The following AGPAT4 variants were observed in gnomAD, a reference collection of about 807,000 sequenced individuals.
AGPAT4 encodes 1-acylglycerol-3-phosphate O-acyltransferase 4.
AGPAT4 carries 15 observed loss-of-function variants against 48.0 expected under a neutral mutation model. The ratio of observed to expected loss-of-function variants is 0.31; its 90% CI spans 0.21 to 0.48. The LOEUF is 0.48. Among genes scored for constraint, AGPAT4 ranks in the 20% least tolerant of loss-of-function variants. The probability of loss-of-function intolerance (pLI) is 0.99; values close to 1 mark genes in which losing one functional copy is unlikely to be tolerated. For synonymous variants in AGPAT4, 178 were observed against 198.7 expected, an observed-to-expected ratio of 0.90 and a Z score of 0.88; for missense variants, 314 against 482.5, an observed-to-expected ratio of 0.65 and a Z score of 3.27.
chr6:161,153,894 T>C (rs1421204743), intron 4 of AGPAT4, among the ~76,000 whole-genome samples: 1 of 139,962 alleles, frequency 7.1e-6, no homozygotes, highest in African/African-American at 2.8e-5. Context: ...CACACAGCCC[T>C]GGGGTCACAC....
chr6:161,181,503 C>CGGGGGGGGGGGGGGGGGGGGGGGGGG (rs776492737), intron 2 of AGPAT4, among the ~76,000 whole-genome samples: 2 of 126,106 alleles, frequency 1.6e-5, no homozygotes, highest in Non-Finnish European at 3.5e-5. Context: ...GTGGGGGTAG[C>CGGGGGGGGGGGGGGGGGGGGGGGGGG]AGGGGGCGGG....
In AGPAT4 at chr6:161,171,245, T is replaced by C. The variant is rs77438587; in HGVS notation, c.179-4828A>G. On this transcript the variant is annotated intron_variant, in intron 2 of 8. Coordinates refer to ENST00000320285, the MANE Select transcript of AGPAT4 (RefSeq NM_020133.3). This position sits in a 1 kb window ranked among gnomAD's most constrained non-coding sequence, Gnocchi z 4.4. Reference sequence around the variant, plus strand: ...ATCTAAGAGAAGCAAAGATAAGGTATTTGCTGTTTGTCTTAGTCCATTTTA... The same window carrying C: ...ATCTAAGAGAAGCAAAGATAAGGTACTTGCTGTTTGTCTTAGTCCATTTTA... 1.3e-5 allele frequency among the ~76,000 whole-genome samples: 2 copies of C among 152,354 alleles called. No individual in the cohort carries two copies. Among genetic ancestry groups the C allele is most frequent in the East Asian group, 1.9e-4 (1 of 5,184 alleles).
Position 161,219,017 on chromosome 6 carries a change from G to A in AGPAT4, c.178+13019C>T, listed in dbSNP as rs1781730709. ...GGAGAACCAGAATAGGACCAGAGAA[G>A]GGAGTTCTCAAAATGTTTGACAATG... On this transcript the variant is annotated intron_variant, in intron 2 of 8. Coordinates refer to ENST00000320285, the MANE Select transcript of AGPAT4 (RefSeq NM_020133.3). The surrounding 1 kb of genome is among the most constrained non-coding windows in gnomAD (Gnocchi z 4.9). Among the ~76,000 whole-genome samples, 1 of 152,242 alleles carries A rather than the reference G, an allele frequency of 6.6e-6. No homozygotes were observed. Among genetic ancestry groups the A allele is most frequent in the South Asian group, 2.1e-4 (1 of 4,836 alleles).
At position 161,242,727 on chromosome 6, in the gene AGPAT4, A is replaced by C. The variant is rs1007310819; in HGVS notation, c.-89-10425T>G. On this transcript the variant is annotated intron_variant, in intron 1 of 8. Transcript: ENST00000320285. The surrounding 1 kb of genome is among the most constrained non-coding windows in gnomAD (Gnocchi z 5.0). ...GATAAATCCAAACAGAAATGAAAAA[A>C]ATTAATCTTCCAAACAGGGGAAACG... 6.6e-6 allele frequency among the ~76,000 whole-genome samples: 1 copy of C among 152,230 alleles called. No homozygotes were observed. The highest frequency in any genetic ancestry group is 1.5e-5 in the Non-Finnish European group (1 of 68,038).
rs1778875938 is a variant in AGPAT4, at chr6:161,130,785, A to C, written c.*5755T>G. On this transcript the variant is annotated 3_prime_UTR_variant, in exon 9 of 9. Transcript: ENST00000320285. Reference sequence around the variant, plus strand: ...CTGAGGCCATGCCATTGCTACCCGGAAGCTGGCTCTGCAGCGTTGTGACTT... The same window carrying C: ...CTGAGGCCATGCCATTGCTACCCGGCAGCTGGCTCTGCAGCGTTGTGACTT... The C allele has an allele frequency of 2.0e-6, 1 of 508,818 alleles. No homozygotes were observed. Among genetic ancestry groups the C allele is most frequent in the South Asian group, 1.4e-5 (1 of 70,342 alleles). The allele number at this position is 508,818 out of a possible 1,614,324, so 31.5% of individuals were successfully genotyped here.
Position 161,262,861 on chromosome 6 carries a change from G to A in AGPAT4, c.-90+11077C>T, listed in dbSNP as rs1188310816. Among the ~76,000 whole-genome samples, 3 of 152,322 alleles carry A rather than the reference G, an allele frequency of 2.0e-5. No homozygotes were observed. The East Asian group carries it at 5.8e-4, about 29-fold the overall frequency. The stretch of plus-strand genomic sequence containing the variant: ...GGATAACGTCATAAACAGTGCTGAT[G>A]AAAGATGCCAGCGAGCCGTGAGAGC... On this transcript the variant is annotated intron_variant, in intron 1 of 8. Coordinates refer to ENST00000320285, the MANE Select transcript of AGPAT4 (RefSeq NM_020133.3). This position sits in a 1 kb window ranked among gnomAD's most constrained non-coding sequence, Gnocchi z 4.9.
chr6:161,153,670 TACAGCCCTGGGGTCACAC>T (rs1180608183), intron 4 of AGPAT4, among the ~76,000 whole-genome samples, 171 bp from the exon 5 acceptor site: 1 of 47,972 alleles, frequency 2.1e-5, no homozygotes, highest in Non-Finnish European at 4.2e-5. Flanking sequence ...TGGGGTCACA[TACAGCCCTGGGGTCACAC>T]ACAGCCCTGG....
At chr6:161,170,469 GCGCGCACACA>G (rs60822014) in intron 2 of AGPAT4, among the ~76,000 whole-genome samples, 1,669 of 121,548 alleles carry the variant, frequency 0.014, 19 homozygotes, top group South Asian at 0.034. Context: ...ACACGTGCGC[GCGCGCACACA>G]CACACACACA....
Position 161,143,853 on chromosome 6 carries a change from C to CCT in AGPAT4, c.843+2669_843+2670dup. 2 of 300,736 alleles carry CCT rather than the reference C, an allele frequency of 6.7e-6. No homozygotes were observed. Among genetic ancestry groups the CCT allele is most frequent in the South Asian group, 6.0e-5 (2 of 33,342 alleles). 18.6% of individuals were successfully genotyped at this position (300,736 alleles called of 1,614,324 possible). A position where few individuals can be genotyped will look rare whatever the true frequency, so the allele number is the denominator to read the frequency against. ...TTGGAAAGACCAGAATGTTGGCACACCTCTGTTGGCTGCCTGCCATTCCCC... is the reference window on the plus strand; with the variant it reads ...TTGGAAAGACCAGAATGTTGGCACACCTCTCTGTTGGCTGCCTGCCATTCCCC... On this transcript the variant is annotated intron_variant, in intron 7 of 8. Transcript: ENST00000320285. This position sits in a 1 kb window ranked among gnomAD's most constrained non-coding sequence, Gnocchi z 4.7.
rs1778857426 is a variant in AGPAT4 at position 161,130,192 on chromosome 6, A to G, written c.*6348T>C. 2 of 152,084 alleles carry G rather than the reference A, an allele frequency of 1.3e-5. No individual in the cohort carries two copies. Among genetic ancestry groups the G allele is most frequent in the Non-Finnish European group, 2.9e-5 (2 of 68,052 alleles). 9.4% of individuals were successfully genotyped at this position (152,084 alleles called of 1,614,324 possible). ...AAAAAGTTACCATTCATTCGGTCCA[A>G]ACATCCACCCAATCCACACGTTCTC... On this transcript the variant is annotated 3_prime_UTR_variant, in exon 9 of 9. Coordinates refer to ENST00000320285, the MANE Select transcript of AGPAT4 (RefSeq NM_020133.3).
chr6:161,177,715 T>C lies in AGPAT4; in HGVS notation c.179-11298A>G, dbSNP rs368249427. On this transcript the variant is annotated intron_variant, in intron 2 of 8. Coordinates refer to ENST00000320285, the MANE Select transcript of AGPAT4 (RefSeq NM_020133.3). The surrounding 1 kb of genome is among the most constrained non-coding windows in gnomAD (Gnocchi z 5.0). The stretch of plus-strand genomic sequence containing the variant: ...TGCGAGGAGCTGCATTCCTTTGGAG[T>C]AGAAGAGGCACTCTGATTTTTAGAA... 1.3e-5 allele frequency among the ~76,000 whole-genome samples: 2 copies of C among 152,222 alleles called. No individual in the cohort carries two copies. Among genetic ancestry groups the C allele is most frequent in the East Asian group, 1.9e-4 (1 of 5,190 alleles).
rs955581172 is a variant in AGPAT4 at position 161,208,624 on chromosome 6, G to C, written c.178+23412C>G. 6.6e-6 allele frequency among the ~76,000 whole-genome samples: 1 copy of C among 151,986 alleles called. No individual in the cohort carries two copies. Among genetic ancestry groups the C allele is most frequent in the Admixed American group, 6.6e-5 (1 of 15,252 alleles). ...GCAATGAACAACTTGGTTAAAAAAA[G>C]GTAACTATCATTCATCACTTAGATC... is the stretch of plus-strand genomic sequence containing the variant. On this transcript the variant is annotated intron_variant, in intron 2 of 8. Coordinates refer to ENST00000320285, the MANE Select transcript of AGPAT4 (RefSeq NM_020133.3). The surrounding 1 kb of genome is among the most constrained non-coding windows in gnomAD (Gnocchi z 4.6).
At chr6:161,265,624 T>G (rs957774594) in intron 1 of AGPAT4, among the ~76,000 whole-genome samples, 10 of 152,150 alleles carry the variant, frequency 6.6e-5, no homozygotes, top group African/African-American at 2.4e-4. Flanking sequence ...AGTGCCTCTC[T>G]CAATTTGTTC....
rs1781393869 is a variant in AGPAT4 at position 161,206,954 on chromosome 6, AG to A, written c.178+25081del. 6.6e-6 allele frequency among the ~76,000 whole-genome samples: 1 copy of A among 152,278 alleles called. No individual in the cohort carries two copies. The highest frequency in any genetic ancestry group is 2.4e-5 in the African/African-American group (1 of 41,480). On this transcript the variant is annotated intron_variant, in intron 2 of 8. Coordinates refer to ENST00000320285, the MANE Select transcript of AGPAT4 (RefSeq NM_020133.3). The surrounding 1 kb of genome is among the most constrained non-coding windows in gnomAD (Gnocchi z 4.8). ...CCAGTGAACTCAAAGGCAGAACAGT[AG>A]AAATCAGCTCATCTGGACAACAGAG...
rs942127112 is a variant in AGPAT4, at chr6:161,225,381, A to T, written c.178+6655T>A. ...AAGAACCCCTTCCCCTCTCTTGTCC[A>T]AGTGTGCACTCACCATTGCTCCATC... On this transcript the variant is annotated intron_variant, in intron 2 of 8. Transcript: ENST00000320285. This position sits in a 1 kb window ranked among gnomAD's most constrained non-coding sequence, Gnocchi z 5.0. Among the ~76,000 whole-genome samples, 1 of 152,214 alleles carries T rather than the reference A, an allele frequency of 6.6e-6. No individual in the cohort carries two copies. Among genetic ancestry groups the T allele is most frequent in the Non-Finnish European group, 1.5e-5 (1 of 68,034 alleles).
In AGPAT4 at chr6:161,137,926, T is replaced by G. The variant is rs1477899861; in HGVS notation, c.1043-1292A>C. Among the ~76,000 whole-genome samples the G allele has an allele frequency of 1.3e-5, 2 of 152,024 alleles. No homozygotes were observed. Among genetic ancestry groups the G allele is most frequent in the Admixed American group, 6.5e-5 (1 of 15,282 alleles). On this transcript the variant is annotated intron_variant, in intron 8 of 8. Transcript: ENST00000320285. This position sits in a 1 kb window ranked among gnomAD's most constrained non-coding sequence, Gnocchi z 6.1. ...GACGCCCTGTGTCCACACTGCACCC[T>G]GGGCAGTGCTCAGGCTTCTTTTTTT...
chr6:161,236,079 T>C lies in AGPAT4; in HGVS notation c.-89-3777A>G, dbSNP rs1426226692. Among the ~76,000 whole-genome samples, 1 of 152,184 alleles carries C rather than the reference T, an allele frequency of 6.6e-6. No individual in the cohort carries two copies. Among genetic ancestry groups the C allele is most frequent in the East Asian group, 1.9e-4 (1 of 5,198 alleles). ...AACATTTTAAAAATACTTTGCCTAG[T>C]TCCCTTTTAGCTTTGCAAGTACCTA... On this transcript the variant is annotated intron_variant, in intron 1 of 8. Coordinates refer to ENST00000320285, the MANE Select transcript of AGPAT4 (RefSeq NM_020133.3). This position sits in a 1 kb window ranked among gnomAD's most constrained non-coding sequence, Gnocchi z 5.0.
chr6:161,130,962 G>C lies in AGPAT4; in HGVS notation c.*5578C>G. 1 of 511,234 alleles carries C rather than the reference G, an allele frequency of 2.0e-6. No individual in the cohort carries two copies. The highest frequency in any genetic ancestry group is 2.0e-5 in the Admixed American group (1 of 50,712). The allele number at this position is 511,234 out of a possible 1,614,324, so 31.7% of individuals were successfully genotyped here. A position where few individuals can be genotyped will look rare whatever the true frequency, so the allele number is the denominator to read the frequency against. The stretch of plus-strand genomic sequence containing the variant: ...TTTGGCAAAGATCTGGCTAAAACTA[G>C]TACTATGGAATAGAAAAGGAAAAGT... On this transcript the variant is annotated 3_prime_UTR_variant, in exon 9 of 9. Transcript: ENST00000320285.
At chr6:161,228,103 T>C (rs914057801) in intron 2 of AGPAT4, among the ~76,000 whole-genome samples, 1 of 152,150 alleles carries the variant, frequency 6.6e-6, no homozygotes, top group African/African-American at 2.4e-5. Context: ...TGGACACAAA[T>C]TCCAATTTCA....
Sources: allele counts gnomAD v4.1 joint callset (sites outside exome capture counted in the v4.1 genomes callset), GRCh38; gene constraint gnomAD v4.1.1; non-coding constraint Gnocchi (gnomAD v3.1); transcripts MANE v1.5; gene names NCBI Gene and HGNC (gene_info 2026-07-23, HGNC 2026-07-21).